TAF9B: variants seen among roughly 807,000 people sequenced by gnomAD.
TAF9B encodes the protein TATA-box binding protein associated factor 9b, also known as transcription initiation factor TFIID subunit 9B.
Under a neutral mutation model 17.6 loss-of-function variants are expected in TAF9B, and 47 were observed. The ratio of observed to expected loss-of-function variants is 2.68; its 90% CI spans 2.12 to 3.41. The LOEUF is 3.41. Among genes scored for constraint, TAF9B ranks in the 30% most tolerant of loss-of-function variants. TAF9B has a pLI of 0.00. For synonymous variants in TAF9B, 84 were observed against 68.7 expected (o/e 1.22, Z -1.10); for missense variants, 218 against 189.3 (o/e 1.15, Z -0.89).
At chrX:78,133,219 G>T in intron 6 of TAF9B, 119 bp downstream of exon 6, 1 of 553,631 alleles carries the variant, frequency 1.8e-6, no homozygotes. Flanking sequence ...CTCATTTGCA[G>T]CATTACTGCC....
rs1291067640 is a variant in TAF9B, at chrX:78,130,393, A to G, written c.*1217T>C. 3.5e-5 allele frequency: 4 copies of G among 112,692 alleles called. No individual in the cohort carries two copies. The highest frequency in any genetic ancestry group is 6.4e-5 in the African/African-American group (2 of 31,032). The allele number at this position is 112,692 out of a possible 1,213,427, so 9.3% of individuals were successfully genotyped here. ...AAATGGAAAACAGGGAAAGGTGTTC[A>G]GCAACATTACAGTATTATTGGGAAA... is the stretch of plus-strand genomic sequence containing the variant. On this transcript the variant is annotated 3_prime_UTR_variant, in exon 7 of 7. Coordinates refer to ENST00000341864, the MANE Select transcript of TAF9B (RefSeq NM_015975.5).
chrX:78,138,192 C>T (rs782421201), intron 2 of TAF9B, 94 bp from the exon 3 acceptor site: 107 of 992,197 alleles, frequency 1.1e-4, no homozygotes, highest in African/African-American at 9.1e-4. Context: ...AATTTGTAGA[C>T]GGTTTATAAA....
chrX:78,132,432 G>C (rs2078417517), intron 6 of TAF9B, among the ~76,000 whole-genome samples: 1 of 111,813 alleles, frequency 8.9e-6, no homozygotes, highest in Admixed American at 9.5e-5. Flanking sequence ...ATGGGAAACT[G>C]CACTGGATTC....
At chrX:78,137,240 A>G (rs1304898447) in intron 4 of TAF9B, among the ~76,000 whole-genome samples, 1 of 112,355 alleles carries the variant, frequency 8.9e-6, no homozygotes, top group African/African-American at 3.2e-5. Flanking sequence ...GATAGCGGTT[A>G]TCCCCATTCA....
chrX:78,137,749 CT>C lies in TAF9B; in HGVS notation c.404del (p.Lys135ArgfsTer8), dbSNP rs1569551050. 2.5e-6 allele frequency: 3 copies of C among 1,179,140 alleles called. No individual in the cohort carries two copies. Among genetic ancestry groups the C allele is most frequent in the African/African-American group, 1.8e-5 (1 of 55,444 alleles). The part of the protein sequence containing the change: ...PNYRLKSLIK[K>X]GPNQGRLVPR... ...AGAAAAGTTGACTAAAATTTCTTACCTTTTTAATTAAGGACTTCAGCCTATA... is the reference window on the plus strand; with the variant it reads ...AGAAAAGTTGACTAAAATTTCTTACCTTTTAATTAAGGACTTCAGCCTATA... On this transcript the variant is annotated frameshift_variant and splice_region_variant, in exon 4 of 7. Coordinates refer to ENST00000341864, the MANE Select transcript of TAF9B (RefSeq NM_015975.5). LOFTEE classifies it high-confidence loss of function.
intron 1 of TAF9B, 100 bp downstream of exon 1, chrX:78,139,461 C>T: frequency 8.9e-7 from 1 of 1,125,889 alleles, no homozygotes; most frequent in Non-Finnish European, 1.2e-6. Context: ...TAGACTGAAA[C>T]GAGCGTGCGA....
Position 78,137,960 on chromosome X carries a change from A to G in TAF9B, c.270+2T>C. The G allele has an allele frequency of 2.5e-6, 3 of 1,205,673 alleles. No individual in the cohort carries two copies. The highest frequency in any genetic ancestry group is 3.4e-6 in the Non-Finnish European group (3 of 893,630). ...AATAACTTCAAATCAAAGTTTGCTC[A>G]CATCTCTTGGGGGAGGAGAGGTAAA... On this transcript the variant is annotated splice_donor_variant, in intron 3 of 6. Coordinates refer to ENST00000341864, the MANE Select transcript of TAF9B (RefSeq NM_015975.5). LOFTEE classifies it high-confidence loss of function.
At chrX:78,131,832 A>G in intron 6 of TAF9B, 59 bp from the exon 7 acceptor site, 1 of 1,065,287 alleles carries the variant, frequency 9.4e-7, no homozygotes. Context: ...AGAATCTGAA[A>G]CATATGATAA....
intron 6 of TAF9B, 58 bp from the exon 7 acceptor site, chrX:78,131,831 A>T: frequency 1.9e-6 from 2 of 1,064,277 alleles, no homozygotes; most frequent in Non-Finnish European, 2.6e-6. Flanking sequence ...CAGAATCTGA[A>T]ACATATGATA....
intron 2 of TAF9B, 63 bp from the exon 3 acceptor site, chrX:78,138,161 G>A: frequency 9.3e-7 from 1 of 1,074,126 alleles, no homozygotes; most frequent in East Asian, 3.1e-5. Flanking sequence ...ATGGCTACTT[G>A]TCTTAATAAA....
rs1342457015 is a variant in TAF9B, at chrX:78,130,971, T to A, written c.*639A>T. 1 of 111,766 alleles carries A rather than the reference T, an allele frequency of 8.9e-6. No homozygotes were observed. The highest frequency in any genetic ancestry group is 1.9e-5 in the Non-Finnish European group (1 of 53,162). The allele number at this position is 111,766 out of a possible 1,213,427, so 9.2% of individuals were successfully genotyped here. A position where few individuals can be genotyped will look rare whatever the true frequency, so the allele number is the denominator to read the frequency against. On this transcript the variant is annotated 3_prime_UTR_variant, in exon 7 of 7. Transcript: ENST00000341864. The stretch of plus-strand genomic sequence containing the variant: ...CTGAGCTGTATTACCAGGAATAATA[T>A]TTTTAAAATTCCAGGTATGGCCTTC...
chrX:78,138,416 C>G (rs375569504), intron 2 of TAF9B, among the ~76,000 whole-genome samples: 12 of 112,733 alleles, frequency 1.1e-4, no homozygotes, highest in East Asian at 8.3e-4. Context: ...GAGCTCCTTT[C>G]GTTCTTTAGG....
At chrX:78,137,657 TCTA>T in intron 4 of TAF9B, 89 bp downstream of exon 4, 1 of 835,411 alleles carries the variant, frequency 1.2e-6, no homozygotes, top group East Asian at 3.4e-5. Flanking sequence ...TAACCTTTAA[TCTA>T]CTATACTAGC....
rs143257195 is a variant in TAF9B, at chrX:78,138,870, T to C, written c.106A>G (p.Ile36Val). 33 of 1,208,531 alleles carry C rather than the reference T, an allele frequency of 2.7e-5. No homozygotes were observed. The African/African-American group carries it at 4.3e-4, about 16-fold the overall frequency. ...AAAGCAAATTCCAACATTTGATTTA[T>C]AACCCTTGGTTCATACTCTGTGATT... ...MGITEYEPRVINQMLEFAFRY... is the reference protein window; with the variant it reads ...MGITEYEPRVVNQMLEFAFRY... Residue 36 changes from isoleucine to valine, a missense_variant, in exon 2 of 7, where the codon ATA (isoleucine) becomes GTA (valine). Coordinates refer to ENST00000341864, the MANE Select transcript of TAF9B (RefSeq NM_015975.5).
rs1401583279 is a variant in TAF9B, at chrX:78,137,761, G to T, written c.393C>A (p.Ser131=). The change falls in exon 4 of 7, where the codon TCC becomes TCA. Residue 131 remains serine, a synonymous_variant. Coordinates refer to ENST00000341864, the MANE Select transcript of TAF9B (RefSeq NM_015975.5). ...TAAAATTTCTTACCTTTTTAATTAA[G>T]GACTTCAGCCTATAGTTTGGAGCTG... The part of the protein sequence containing the change: ...CLTAPNYRLK[S]LIKKGPNQGR... 7 of 1,188,133 alleles carry T rather than the reference G, an allele frequency of 5.9e-6. No individual in the cohort carries two copies. The highest frequency in any genetic ancestry group is 5.7e-5 in the South Asian group (3 of 52,777).
chrX:78,132,206 C>A (rs1453730186), intron 6 of TAF9B, among the ~76,000 whole-genome samples: 1 of 110,804 alleles, frequency 9.0e-6, no homozygotes, highest in Non-Finnish European at 1.9e-5. Flanking sequence ...GTTGGCCAGG[C>A]TGGTCTCGAA....
At chrX:78,138,296 G>C (rs1281610416) in intron 2 of TAF9B, among the ~76,000 whole-genome samples, 198 bp from the exon 3 acceptor site, 2 of 112,245 alleles carry the variant, frequency 1.8e-5, no homozygotes, top group African/African-American at 6.5e-5. Flanking sequence ...GAGATTACAG[G>C]TGTAAGCTAC....
At position 78,139,600 on chromosome X, in the gene TAF9B, G is replaced by A. The variant is rs781969818; in HGVS notation, c.12C>T (p.Gly4=). 1.7e-6 allele frequency: 2 copies of A among 1,211,846 alleles called. No homozygotes were observed. The highest frequency in any genetic ancestry group is 2.2e-6 in the Non-Finnish European group (2 of 895,339). ...GAGCGTTCTTGGGAGGCGCCATCTT[G>A]CCCGACTCCATGTTATCCAGCCACT... is the stretch of plus-strand genomic sequence containing the variant. MES[G]KMAPPKNAPR... Residue 4 remains glycine, a synonymous_variant, in exon 1 of 7, where the codon GGC becomes GGT. Transcript: ENST00000341864.
At chrX:78,132,044 T>C (rs2078415642) in intron 6 of TAF9B, among the ~76,000 whole-genome samples, 1 of 112,147 alleles carries the variant, frequency 8.9e-6, no homozygotes, top group South Asian at 3.7e-4. Flanking sequence ...CGCTCTGTCG[T>C]CCAAGCTGGC....
Sources: allele counts gnomAD v4.1 joint callset (sites outside exome capture counted in the v4.1 genomes callset), GRCh38; gene constraint gnomAD v4.1.1; transcripts MANE v1.5; gene names NCBI Gene and HGNC (gene_info 2026-07-23, HGNC 2026-07-21).